Variants in PPHLN1 observed in about 807,000 individuals in gnomAD.
PPHLN1 encodes periphilin-1.
Under a neutral mutation model 51.3 loss-of-function variants are expected in PPHLN1, and 29 were observed. That is an observed-to-expected ratio of 0.57 (90% CI 0.42 to 0.77). PPHLN1 has a LOEUF of 0.77. Ranked by LOEUF, PPHLN1 falls within the 30% of genes least tolerant of loss-of-function variation. The pLI, the probability that PPHLN1 is intolerant of heterozygous loss-of-function variation, is 0.00. For synonymous variants in PPHLN1, 147 were observed against 147.8 expected (o/e 0.99, Z 0.04); for missense variants, 436 against 438.4 (o/e 0.99, Z 0.05).
intron 9 of PPHLN1, among the ~76,000 whole-genome samples, chr12:42,402,161 A>G (rs981214793): frequency 6.6e-6 from 1 of 152,204 alleles, no homozygotes; most frequent in Admixed American, 6.5e-5. Context: ...CTTAAACATA[A>G]AGAAATAGAG....
At chr12:42,415,595 C>T (rs2080304595) in intron 9 of PPHLN1, among the ~76,000 whole-genome samples, 1 of 152,234 alleles carries the variant, frequency 6.6e-6, no homozygotes, top group Non-Finnish European at 1.5e-5. Flanking sequence ...GAGGTAATGT[C>T]TGTCATCCCT....
intron 9 of PPHLN1, among the ~76,000 whole-genome samples, chr12:42,435,118 A>G (rs2082366939): frequency 6.6e-6 from 1 of 152,212 alleles, no homozygotes. Flanking sequence ...CTAGTATATT[A>G]TGATTGAAAA....
intron 2 of PPHLN1, among the ~76,000 whole-genome samples, chr12:42,343,589 TAA>T (rs1288873502): frequency 6.6e-6 from 1 of 152,194 alleles, no homozygotes; most frequent in Non-Finnish European, 1.5e-5. Flanking sequence ...TGCAATTTTT[TAA>T]TAGTTTTTTT....
intron 9 of PPHLN1, 25 bp downstream of exon 9, chr12:42,399,019 A>G (rs1259046749): frequency 6.2e-7 from 1 of 1,607,296 alleles, no homozygotes. Context: ...GTCTTCATGT[A>G]CATAATTTTT....
At chr12:42,367,362 A>G (rs567382896) in intron 4 of PPHLN1, among the ~76,000 whole-genome samples, 1 of 152,230 alleles carries the variant, frequency 6.6e-6, no homozygotes, top group South Asian at 2.1e-4. Flanking sequence ...TTTATCCCCT[A>G]GTATAAAAAC....
intron 2 of PPHLN1, among the ~76,000 whole-genome samples, chr12:42,349,927 T>A (rs1565785875): frequency 6.6e-6 from 1 of 152,098 alleles, no homozygotes; most frequent in Non-Finnish European, 1.5e-5. Context: ...TGGGTACACC[T>A]CCCAGACGGG....
At chr12:42,381,500 G>C (rs2076756766) in intron 5 of PPHLN1, among the ~76,000 whole-genome samples, 1 of 152,186 alleles carries the variant, frequency 6.6e-6, no homozygotes. Flanking sequence ...TATTCAGTCA[G>C]TTGGCCTTTG....
downstream of PPHLN1, chr12:42,442,708 C>T (rs770457731): frequency 8.1e-6 from 13 of 1,614,034 alleles, no homozygotes; most frequent in Admixed American, 5.0e-5. Flanking sequence ...ACGACGGAAC[C>T]CCCGAAAACG....
intron 9 of PPHLN1, among the ~76,000 whole-genome samples, chr12:42,406,284 G>A (rs1255466646): frequency 2.0e-5 from 3 of 151,972 alleles, no homozygotes; most frequent in African/African-American, 7.2e-5. Context: ...GGGGTTTCCC[G>A]TTAGCTAGGA....
intron 4 of PPHLN1, chr12:42,361,175 T>C (rs1192259239): frequency 6.6e-6 from 1 of 152,414 alleles, no homozygotes; most frequent in East Asian, 1.9e-4. Flanking sequence ...TGGTGCCTTA[T>C]TAAGAAGAGA....
chr12:42,416,079 G>A (rs2080356212), intron 9 of PPHLN1, among the ~76,000 whole-genome samples: 1 of 152,194 alleles, frequency 6.6e-6, no homozygotes, highest in Admixed American at 6.5e-5. Flanking sequence ...GTGCATGCAA[G>A]TAGGAAAATA....
At chr12:42,377,864 C>T (rs1427949256) in intron 5 of PPHLN1, among the ~76,000 whole-genome samples, 1 of 152,128 alleles carries the variant, frequency 6.6e-6, no homozygotes, top group Non-Finnish European at 1.5e-5. Flanking sequence ...CTTTGGGCCT[C>T]TTAATGGCCA....
At chr12:42,419,591 T>C (rs1382428458) in intron 9 of PPHLN1, among the ~76,000 whole-genome samples, 1 of 152,164 alleles carries the variant, frequency 6.6e-6, no homozygotes. Context: ...AAGAGTAGGG[T>C]GGTTTTTAGT....
chr12:42,352,220 C>A (rs1234801484), intron 3 of PPHLN1, among the ~76,000 whole-genome samples, 171 bp downstream of exon 3: 1 of 152,064 alleles, frequency 6.6e-6, no homozygotes, highest in Admixed American at 6.6e-5. Context: ...AGTCAAGAAT[C>A]TTGGGGTACT....
At chr12:42,343,555 A>G (rs949319533) in intron 2 of PPHLN1, among the ~76,000 whole-genome samples, 1 of 152,196 alleles carries the variant, frequency 6.6e-6, no homozygotes, top group African/African-American at 2.4e-5. Flanking sequence ...TTAACTACTC[A>G]AGCATATGTA....
Position 42,328,026 on chromosome 12 carries a change from TA to T in PPHLN1, c.-21+1809del, listed in dbSNP as rs541743500. Among the ~76,000 whole-genome samples the T allele has an allele frequency of 5.8e-3, 841 of 144,814 alleles. 4 individuals carry two copies. The highest frequency in any genetic ancestry group is 8.1e-3 in the Admixed American group (117 of 14,440). On this transcript the variant is annotated intron_variant, in intron 1 of 9. Transcript: ENST00000358314. Reference sequence around the variant, plus strand: ...TGTTGTCAGTGGAATAGAATTTTATTAAAAAAAAAAAAGTGGGTCAAACACA... The same window carrying T: ...TGTTGTCAGTGGAATAGAATTTTATTAAAAAAAAAAAGTGGGTCAAACACA...
chr12:42,385,037 G>A, intron 6 of PPHLN1, 41 bp downstream of exon 6: 9 of 1,539,154 alleles, frequency 5.8e-6, no homozygotes, highest in Non-Finnish European at 8.1e-6. Flanking sequence ...TTGTGAAGGG[G>A]TGGGAGACTT....
chr12:42,350,697 CTCTG>C (rs1592299390), intron 2 of PPHLN1, among the ~76,000 whole-genome samples: 1 of 152,174 alleles, frequency 6.6e-6, no homozygotes, highest in Non-Finnish European at 1.5e-5. Context: ...GTGAGCGAGA[CTCTG>C]TCTGCGATCC....
intron 3 of PPHLN1, among the ~76,000 whole-genome samples, chr12:42,352,783 G>A (rs1282930985): frequency 6.6e-6 from 1 of 152,040 alleles, no homozygotes; most frequent in Non-Finnish European, 1.5e-5. Context: ...CATCGTCATA[G>A]GAAGCAATTT....
Sources: gnomAD v4.1 joint callset for allele counts (sites outside exome capture counted in the v4.1 genomes callset) on GRCh38, gnomAD v4.1.1 for gene constraint, MANE v1.5 for transcripts, NCBI Gene and HGNC (gene_info 2026-07-23, HGNC 2026-07-21) for gene names.